Variants in FBXO8 observed in about 807,000 individuals in gnomAD.
FBXO8 encodes the protein F-box protein 8.
FBXO8 carries 15 observed loss-of-function variants against 33.4 expected under a neutral mutation model. The observed-to-expected ratio is 0.45, with a 90% CI of 0.30 to 0.69. FBXO8 has a LOEUF of 0.69. Among genes scored for constraint, FBXO8 ranks in the 30% least tolerant of loss-of-function variants. The pLI, the probability that FBXO8 is intolerant of heterozygous loss-of-function variation, is 0.08. For missense variants in FBXO8, 274 were observed against 380.3 expected (o/e 0.72, Z 2.32); for synonymous variants, 132 against 131.5 (o/e 1.00, Z -0.02).
At chr4:174,249,200 C>T (rs1235383512) in intron 3 of FBXO8, among the ~76,000 whole-genome samples, 3 of 151,940 alleles carry the variant, frequency 2.0e-5, no homozygotes, top group South Asian at 2.1e-4. Context: ...TAATAAATTA[C>T]TACTATCAAT....
chr4:174,241,048 T>C lies in FBXO8; in HGVS notation c.575+52A>G. The C allele has an allele frequency of 9.0e-7, 1 of 1,106,930 alleles. No individual in the cohort carries two copies. Among genetic ancestry groups the C allele is most frequent in the Non-Finnish European group, 1.3e-6 (1 of 748,506 alleles). The allele number at this position is 1,106,930 out of a possible 1,614,324, so 68.6% of individuals were successfully genotyped here. On this transcript the variant is annotated intron_variant, in intron 4 of 5. Transcript: ENST00000393674. The surrounding 1 kb of genome is among the most constrained non-coding windows in gnomAD (Gnocchi z 4.2). The stretch of plus-strand genomic sequence containing the variant: ...TAGTTTTAAAGTAAAACTTAACTCA[T>C]CAAAAACATTACTTAACTCATTTTG...
Position 174,274,614 on chromosome 4 carries a change from T to C in FBXO8, c.-9+8796A>G, listed in dbSNP as rs1736916840. 6.6e-6 allele frequency among the ~76,000 whole-genome samples: 1 copy of C among 152,132 alleles called. No homozygotes were observed. Among genetic ancestry groups the C allele is most frequent in the Non-Finnish European group, 1.5e-5 (1 of 68,012 alleles). ...TAAAATGCAAAATGATGACTGTAAG[T>C]ACTAAAATAAGGAACTGACTCCACA... is the stretch of plus-strand genomic sequence containing the variant. On this transcript the variant is annotated intron_variant, in intron 1 of 5. Coordinates refer to ENST00000393674, the MANE Select transcript of FBXO8 (RefSeq NM_012180.3). This position sits in a 1 kb window ranked among gnomAD's most constrained non-coding sequence, Gnocchi z 4.0.
At position 174,257,856 on chromosome 4, in the gene FBXO8, C is replaced by T. The variant is rs1244661846; in HGVS notation, c.456+1843G>A. On this transcript the variant is annotated intron_variant, in intron 3 of 5. Coordinates refer to ENST00000393674, the MANE Select transcript of FBXO8 (RefSeq NM_012180.3). The surrounding 1 kb of genome is among the most constrained non-coding windows in gnomAD (Gnocchi z 4.3). Reference sequence around the variant, plus strand: ...CCTCCTACCTCAGCCTCCGGAGTAGCTGGGACCACAAGAATGCACCACAAT... The same window carrying T: ...CCTCCTACCTCAGCCTCCGGAGTAGTTGGGACCACAAGAATGCACCACAAT... 6.6e-6 allele frequency among the ~76,000 whole-genome samples: 1 copy of T among 152,000 alleles called. No individual in the cohort carries two copies. The highest frequency in any genetic ancestry group is 1.5e-5 in the Non-Finnish European group (1 of 68,002).
intron 1 of FBXO8, among the ~76,000 whole-genome samples, chr4:174,268,783 A>G (rs934498840): frequency 1.4e-4 from 21 of 152,202 alleles, no homozygotes; most frequent in African/African-American, 5.1e-4. Context: ...CATGTGGGAA[A>G]TGTGGCATTA....
At position 174,262,658 on chromosome 4, in the gene FBXO8, A is replaced by G; in HGVS notation, c.329+106T>C. 1 of 963,286 alleles carries G rather than the reference A, an allele frequency of 1.0e-6. No individual in the cohort carries two copies. The highest frequency in any genetic ancestry group is 1.5e-6 in the Non-Finnish European group (1 of 658,806). The allele number at this position is 963,286 out of a possible 1,614,324, so 59.7% of individuals were successfully genotyped here. A position where few individuals can be genotyped will look rare whatever the true frequency, so the allele number is the denominator to read the frequency against. On this transcript the variant is annotated intron_variant, in intron 2 of 5. Transcript: ENST00000393674. The surrounding 1 kb of genome is among the most constrained non-coding windows in gnomAD (Gnocchi z 4.6). ...TTAATAAAGAGCATCTCAAAGTACA[A>G]GCCCAAGTTTAAAGAAAATATTTTG...
chr4:174,264,799 A>G (rs1283363515), intron 1 of FBXO8, among the ~76,000 whole-genome samples: 2 of 151,982 alleles, frequency 1.3e-5, no homozygotes, highest in East Asian at 3.8e-4. Context: ...AATTCTTAAA[A>G]AAAAAAAAAC....
Position 174,251,761 on chromosome 4 carries a change from T to A in FBXO8, c.456+7938A>T, listed in dbSNP as rs149215210. On this transcript the variant is annotated intron_variant, in intron 3 of 5. Transcript: ENST00000393674. The surrounding 1 kb of genome is among the most constrained non-coding windows in gnomAD (Gnocchi z 4.2). ...CTATTTAGTGTCTGAGAGGCATAAT[T>A]TTTCACTTTGACTCTAATGCTGATC... 6.5e-4 allele frequency among the ~76,000 whole-genome samples: 99 copies of A among 152,222 alleles called. 2 individuals are homozygous for A. In the East Asian group the frequency reaches 0.019, roughly 29 times the overall value.
At chr4:174,266,109 C>G (rs1442558059) in intron 1 of FBXO8, among the ~76,000 whole-genome samples, 1 of 152,120 alleles carries the variant, frequency 6.6e-6, no homozygotes, top group Non-Finnish European at 1.5e-5. Context: ...AGGCCTGTTG[C>G]TAGGGAACAA....
At chr4:174,246,847 T>C (rs1736170893) in intron 3 of FBXO8, among the ~76,000 whole-genome samples, 1 of 152,028 alleles carries the variant, frequency 6.6e-6, no homozygotes. Flanking sequence ...TGTTGGTTTC[T>C]TTCTTAGGTC....
rs1334043811 is a variant in FBXO8, at chr4:174,239,003, G to T, written c.763C>A (p.Leu255Ile). ...ATATATATATTCTTACCAGGACTAA[G>T]GCCAAGTTCTCGCATTAAATCAGGG... ...CNPDLMRELGLSPDAVYVLCY... is the reference protein window; with the variant it reads ...CNPDLMRELGISPDAVYVLCY... Residue 255 changes from leucine (L) to isoleucine (I), a missense_variant, in exon 5 of 6, where the codon CTT becomes ATT. Leu to Ile is a conservative substitution (Grantham distance 5, BLOSUM62 2). Transcript: ENST00000393674. The T allele has an allele frequency of 6.4e-7, 1 of 1,563,298 alleles. No individual in the cohort carries two copies. The highest frequency in any genetic ancestry group is 8.7e-7 in the Non-Finnish European group (1 of 1,153,058).
rs998790459 is a variant in FBXO8 at position 174,259,510 on chromosome 4, A to C, written c.456+189T>G. Among the ~76,000 whole-genome samples the C allele has an allele frequency of 3.3e-5, 5 of 152,102 alleles. No individual in the cohort carries two copies. The highest frequency in any genetic ancestry group is 9.7e-5 in the African/African-American group (4 of 41,446). Reference sequence around the variant, plus strand: ...TAAAGTGAACAGGTAGAAAGGTTAGAACGTGACATGGTAAGGCGAAGAAAA... The same window carrying C: ...TAAAGTGAACAGGTAGAAAGGTTAGCACGTGACATGGTAAGGCGAAGAAAA... On this transcript the variant is annotated intron_variant, in intron 3 of 5. Coordinates refer to ENST00000393674, the MANE Select transcript of FBXO8 (RefSeq NM_012180.3). This position sits in a 1 kb window ranked among gnomAD's most constrained non-coding sequence, Gnocchi z 4.3.
intron 1 of FBXO8, among the ~76,000 whole-genome samples, chr4:174,276,648 C>A (rs1471852345): frequency 6.6e-6 from 1 of 152,010 alleles, no homozygotes; most frequent in African/African-American, 2.4e-5. Flanking sequence ...GCGTGTAGAT[C>A]TTTGGTTTTT....
chr4:174,276,381 G>T (rs930550585), intron 1 of FBXO8, among the ~76,000 whole-genome samples: 4 of 152,056 alleles, frequency 2.6e-5, no homozygotes, highest in African/African-American at 9.7e-5. Flanking sequence ...GGGACTACAG[G>T]CGCGCACCGC....
rs1382110841 is a variant in FBXO8 at position 174,251,385 on chromosome 4, T to C, written c.456+8314A>G. Among the ~76,000 whole-genome samples, 2 of 152,146 alleles carry C rather than the reference T, an allele frequency of 1.3e-5. No homozygotes were observed. The highest frequency in any genetic ancestry group is 2.9e-5 in the Non-Finnish European group (2 of 68,026). On this transcript the variant is annotated intron_variant, in intron 3 of 5. Transcript: ENST00000393674. The surrounding 1 kb of genome is among the most constrained non-coding windows in gnomAD (Gnocchi z 4.2). Reference sequence around the variant, plus strand: ...GAAATTTGTCTTTCTTTCAAGTTTCTAAAAGGTTTATTCCGAGTCCACAAA... The same window carrying C: ...GAAATTTGTCTTTCTTTCAAGTTTCCAAAAGGTTTATTCCGAGTCCACAAA...
At position 174,270,797 on chromosome 4, in the gene FBXO8, G is replaced by C. The variant is rs943748009; in HGVS notation, c.-8-7697C>G. Among the ~76,000 whole-genome samples, 1 of 151,972 alleles carries C rather than the reference G, an allele frequency of 6.6e-6. No individual in the cohort carries two copies. Among genetic ancestry groups the C allele is most frequent in the African/African-American group, 2.4e-5 (1 of 41,362 alleles). On this transcript the variant is annotated intron_variant, in intron 1 of 5. Transcript: ENST00000393674. The surrounding 1 kb of genome is among the most constrained non-coding windows in gnomAD (Gnocchi z 4.6). ...CGCCTGGCTAATTTTTGTATTTTTAGTAGAGACGGAGTTTCACCATGTTGG... is the reference window on the plus strand; with the variant it reads ...CGCCTGGCTAATTTTTGTATTTTTACTAGAGACGGAGTTTCACCATGTTGG...
rs145847364 is a variant in FBXO8, at chr4:174,255,255, G to T, written c.456+4444C>A. 2.0e-5 allele frequency among the ~76,000 whole-genome samples: 3 copies of T among 152,080 alleles called. No homozygotes were observed. Among genetic ancestry groups the T allele is most frequent in the Admixed American group, 2.0e-4 (3 of 15,276 alleles). ...AGTTATTTTTCACCACTGTTGCTAC[G>T]CTATGAAGTAATGGTAATGACGATT... On this transcript the variant is annotated intron_variant, in intron 3 of 5. Coordinates refer to ENST00000393674, the MANE Select transcript of FBXO8 (RefSeq NM_012180.3). This position sits in a 1 kb window ranked among gnomAD's most constrained non-coding sequence, Gnocchi z 4.3.
rs962076421 is a variant in FBXO8 at position 174,270,015 on chromosome 4, T to C, written c.-8-6915A>G. On this transcript the variant is annotated intron_variant, in intron 1 of 5. Coordinates refer to ENST00000393674, the MANE Select transcript of FBXO8 (RefSeq NM_012180.3). This position sits in a 1 kb window ranked among gnomAD's most constrained non-coding sequence, Gnocchi z 4.6. ...AAAATATTCATGTTCAATTCTGTAC[T>C]ACCTGCAAATACACTCAGGGAGCAT... 6.6e-6 allele frequency among the ~76,000 whole-genome samples: 1 copy of C among 152,224 alleles called. No individual in the cohort carries two copies. Among genetic ancestry groups the C allele is most frequent in the African/African-American group, 2.4e-5 (1 of 41,456 alleles).
rs1037365304 is a variant in FBXO8 at position 174,257,601 on chromosome 4, TCA to T, written c.456+2096_456+2097del. Among the ~76,000 whole-genome samples, 58 of 152,260 alleles carry T rather than the reference TCA, an allele frequency of 3.8e-4. No homozygotes were observed. Among genetic ancestry groups the T allele is most frequent in the South Asian group, 8.3e-4 (4 of 4,826 alleles). On this transcript the variant is annotated intron_variant, in intron 3 of 5. Coordinates refer to ENST00000393674, the MANE Select transcript of FBXO8 (RefSeq NM_012180.3). This position sits in a 1 kb window ranked among gnomAD's most constrained non-coding sequence, Gnocchi z 4.3. ...CAGTACAGCACTGTACCATTCTGCC[TCA>T]GTTTTACTCCAGCAATCATCATTCA...
At chr4:174,276,814 G>A (rs544350566) in intron 1 of FBXO8, among the ~76,000 whole-genome samples, 1 of 152,284 alleles carries the variant, frequency 6.6e-6, no homozygotes, top group Non-Finnish European at 1.5e-5. Flanking sequence ...ATTTAAAGGT[G>A]GAGCTCCAAT....
Sources: gnomAD v4.1 joint callset for allele counts (sites outside exome capture counted in the v4.1 genomes callset) on GRCh38, gnomAD v4.1.1 for gene constraint, Gnocchi (gnomAD v3.1) non-coding constraint, MANE v1.5 for transcripts, NCBI Gene and HGNC (gene_info 2026-07-23, HGNC 2026-07-21) for gene names.